RMDN1: variants seen among roughly 807,000 people sequenced by gnomAD.
The protein encoded by RMDN1 is regulator of microtubule dynamics protein 1.
RMDN1 carries 48 observed loss-of-function variants against 48.9 expected under a neutral mutation model. The ratio of observed to expected loss-of-function variants is 0.98; its 90% CI spans 0.78 to 1.25. RMDN1 has a LOEUF of 1.25. RMDN1 is among the 50% of genes most tolerant of loss of function. The pLI is 0.00. For missense variants in RMDN1, 418 were observed against 373.4 expected (o/e 1.12, Z -0.98); for synonymous variants, 148 against 132.6 (o/e 1.12, Z -0.80).
At chr8:86,468,310 G>A (rs1323986231), downstream of RMDN1, 1 of 429,636 alleles carries the variant, frequency 2.3e-6, no homozygotes, top group Admixed American at 2.9e-5. Flanking sequence ...TTGAGAGTGT[G>A]TTCTCCATTT....
intron 1 of RMDN1, 119 bp downstream of exon 1, chr8:86,508,373 T>C (rs1338985529): frequency 1.7e-6 from 2 of 1,148,166 alleles, no homozygotes; most frequent in African/African-American, 3.2e-5. Flanking sequence ...TGGCCCCGAG[T>C]TCTTTCCTCG....
intron 2 of RMDN1, among the ~76,000 whole-genome samples, chr8:86,496,623 G>C (rs1446946659): frequency 6.6e-6 from 1 of 152,096 alleles, no homozygotes; most frequent in African/African-American, 2.4e-5. Context: ...ATTAGCATTG[G>C]AGCACGCGGA....
At chr8:86,508,849 C>T (rs1819873838), upstream of RMDN1, 6 of 1,222,386 alleles carry the variant, frequency 4.9e-6, no homozygotes, top group Non-Finnish European at 5.1e-6. Flanking sequence ...TCCGCGCCTG[C>T]GTCCAGGACT....
intron 2 of RMDN1, chr8:86,504,573 A>G (rs1818966354): frequency 3.4e-6 from 4 of 1,176,092 alleles, no homozygotes; most frequent in Non-Finnish European, 5.1e-6. Flanking sequence ...AAAGGGCAGG[A>G]AGGCGGACCC....
rs758480242 is a variant in RMDN1 at position 86,472,374 on chromosome 8, G to A, written c.*1934C>T. The A allele has an allele frequency of 4.4e-5, 31 of 700,142 alleles. No homozygotes were observed. The highest frequency in any genetic ancestry group is 7.8e-5 in the Non-Finnish European group (30 of 384,256). The allele number at this position is 700,142 out of a possible 1,614,324, so 43.4% of individuals were successfully genotyped here. On this transcript the variant is annotated 3_prime_UTR_variant, in exon 10 of 10. Transcript: ENST00000406452. ...TGCAGGTGCACAACACAGTTTATTC[G>A]GTCTCCCTAAAGGAAAAAACCCATT...
chr8:86,505,357 C>G (rs576162162), intron 2 of RMDN1: 30 of 458,064 alleles, frequency 6.5e-5, no homozygotes, highest in Admixed American at 1.9e-4. Context: ...GTTTTTCCTT[C>G]CTTGGGTTCT....
At position 86,477,492 on chromosome 8, in the gene RMDN1, C is replaced by T. The variant is rs116901691; in HGVS notation, c.730-168G>A. 3,618 of 526,012 alleles carry T rather than the reference C, an allele frequency of 6.9e-3. 49 individuals are homozygous for T. The highest frequency in any genetic ancestry group is 0.039 in the Admixed American group (1,075 of 27,756). 32.6% of individuals were successfully genotyped at this position (526,012 alleles called of 1,614,324 possible). A position where few individuals can be genotyped will look rare whatever the true frequency, so the allele number is the denominator to read the frequency against. On this transcript the variant is annotated intron_variant, in intron 7 of 9. Transcript: ENST00000406452. ...AGTGAGAGTTAACACCCAAAGTGAA[C>T]GTAACACTTCAATCATCAAGATTAC...
At chr8:86,497,632 C>T (rs575137509) in intron 2 of RMDN1, among the ~76,000 whole-genome samples, 22 of 148,478 alleles carry the variant, frequency 1.5e-4, no homozygotes, top group Non-Finnish European at 2.7e-4. Context: ...ACTCGGGAGG[C>T]GGAGGCTGCA....
chr8:86,482,008 T>G, intron 5 of RMDN1: 1 of 827,892 alleles, frequency 1.2e-6, no homozygotes, highest in Non-Finnish European at 2.0e-6. Context: ...TACAGTCCTA[T>G]ACGAAGTTGT....
downstream of RMDN1, among the ~76,000 whole-genome samples, chr8:86,469,445 C>T (rs1212375985): frequency 6.8e-6 from 1 of 147,478 alleles, no homozygotes; most frequent in Non-Finnish European, 1.5e-5. Context: ...ACTCTTGTAA[C>T]TGTATGTCCT....
chr8:86,495,197 G>A (rs1817140183), intron 2 of RMDN1, among the ~76,000 whole-genome samples: 1 of 152,092 alleles, frequency 6.6e-6, no homozygotes, highest in African/African-American at 2.4e-5. Flanking sequence ...TCTGAAAAAG[G>A]AGGAAGCTGG....
chr8:86,479,844 A>G (rs1324372435), intron 6 of RMDN1, among the ~76,000 whole-genome samples: 1 of 152,126 alleles, frequency 6.6e-6, no homozygotes, highest in Non-Finnish European at 1.5e-5. Flanking sequence ...ATACCAGCAA[A>G]ATAATAATCT....
chr8:86,486,377 AAACTT>A (rs1563611886), intron 4 of RMDN1, 102 bp downstream of exon 4: 2 of 771,614 alleles, frequency 2.6e-6, no homozygotes, highest in Non-Finnish European at 3.6e-6. Flanking sequence ...AAAGAAAAAA[AAACTT>A]AAAATAGAGA....
intron 2 of RMDN1, among the ~76,000 whole-genome samples, chr8:86,496,714 G>A (rs1817414700): frequency 6.6e-6 from 1 of 152,124 alleles, no homozygotes; most frequent in Admixed American, 6.5e-5. Context: ...ACACTCCATT[G>A]ACAGTGCTAC....
At chr8:86,470,548 G>T, downstream of RMDN1, 1 of 552,310 alleles carries the variant, frequency 1.8e-6, no homozygotes. Context: ...ACACTCCTGG[G>T]CATGTATCCC....
chr8:86,496,515 TGTTAA>T (rs1170162814), intron 2 of RMDN1, among the ~76,000 whole-genome samples: 3 of 152,186 alleles, frequency 2.0e-5, no homozygotes, highest in Non-Finnish European at 4.4e-5. Context: ...AGAAAACAGA[TGTTAA>T]ATCATCAATG....
In RMDN1 at chr8:86,482,942, G is replaced by C. The variant is rs771159748; in HGVS notation, c.585+1930C>G. 3.7e-6 allele frequency: 3 copies of C among 814,120 alleles called. No individual in the cohort carries two copies. The African/African-American group carries it at 5.1e-5, about 14-fold the overall frequency. The allele number at this position is 814,120 out of a possible 1,614,324, so 50.4% of individuals were successfully genotyped here. A position where few individuals can be genotyped will look rare whatever the true frequency, so the allele number is the denominator to read the frequency against. Reference sequence around the variant, plus strand: ...GTTTCCTCCAGAGGCAGGTGGGCTCGGACGAGGTCCCCGGCGGACTGTGGC... The same window carrying C: ...GTTTCCTCCAGAGGCAGGTGGGCTCCGACGAGGTCCCCGGCGGACTGTGGC... On this transcript the variant is annotated intron_variant, in intron 5 of 9. Coordinates refer to ENST00000406452, the MANE Select transcript of RMDN1 (RefSeq NM_016033.3).
At chr8:86,506,919 T>C (rs536474106) in intron 2 of RMDN1, 76 bp downstream of exon 2, 4 of 758,926 alleles carry the variant, frequency 5.3e-6, no homozygotes, top group African/African-American at 3.5e-5. Flanking sequence ...CCCTGATTCT[T>C]TGTTTTAAAA....
downstream of RMDN1, among the ~76,000 whole-genome samples, chr8:86,471,480 A>ATAT (rs1346813570): frequency 6.6e-6 from 1 of 152,164 alleles, no homozygotes; most frequent in Admixed American, 6.5e-5. Flanking sequence ...AAATTATTAG[A>ATAT]TATTTAAAAA....
Sources: gnomAD v4.1 joint callset for allele counts (sites outside exome capture counted in the v4.1 genomes callset) on GRCh38, gnomAD v4.1.1 for gene constraint, MANE v1.5 for transcripts, NCBI Gene and HGNC (gene_info 2026-07-23, HGNC 2026-07-21) for gene names.